The following RGS7BP variants were observed in gnomAD, a reference collection of about 807,000 sequenced individuals.
The protein encoded by RGS7BP is regulator of G protein signaling 7 binding protein, also known as regulator of G protein signaling 7-binding protein.
RGS7BP carries 9 observed loss-of-function variants against 31.3 expected under a neutral mutation model. That is an observed-to-expected ratio of 0.29 (90% CI 0.17 to 0.50). The LOEUF (loss-of-function observed/expected upper bound fraction) is 0.50. Among genes scored for constraint, RGS7BP ranks in the 20% least tolerant of loss-of-function variants. The pLI is 0.98. For missense variants in RGS7BP, 274 were observed against 322.0 expected (o/e 0.85, Z 1.14); for synonymous variants, 115 against 120.1 (o/e 0.96, Z 0.28).
intron 2 of RGS7BP, among the ~76,000 whole-genome samples, chr5:64,526,797 G>A (rs891051727): frequency 1.3e-5 from 2 of 152,074 alleles, no homozygotes; most frequent in Non-Finnish European, 2.9e-5. Flanking sequence ...CCACCAAGCA[G>A]GAGGGGCTCA....
intron 2 of RGS7BP, among the ~76,000 whole-genome samples, chr5:64,554,634 C>T (rs148362943): frequency 6.6e-6 from 1 of 152,184 alleles, no homozygotes; most frequent in African/African-American, 2.4e-5. Context: ...ATAAAGTCTG[C>T]TGAATATGAG....
intron 2 of RGS7BP, among the ~76,000 whole-genome samples, chr5:64,547,982 T>C (rs1273109980): frequency 2.0e-5 from 3 of 152,148 alleles, no homozygotes; most frequent in African/African-American, 7.2e-5. Context: ...TTTTGAATCA[T>C]GGTCTTTTCC....
intron 2 of RGS7BP, among the ~76,000 whole-genome samples, chr5:64,543,303 G>T (rs1277361921): frequency 2.0e-5 from 3 of 152,230 alleles, no homozygotes; most frequent in African/African-American, 7.2e-5. Context: ...AAGTAGACAA[G>T]ATTCTTTTAG....
chr5:64,566,552 G>C (rs770381506), intron 2 of RGS7BP, among the ~76,000 whole-genome samples: 15 of 152,066 alleles, frequency 9.9e-5, no homozygotes, highest in Non-Finnish European at 2.1e-4. Flanking sequence ...ATGCACAGCA[G>C]CTATACATGC....
chr5:64,507,827 AGGC>A lies in RGS7BP; in HGVS notation c.283_285del (p.Gly95del). The A allele has an allele frequency of 6.2e-7, 1 of 1,614,014 alleles. No homozygotes were observed. Among genetic ancestry groups the A allele is most frequent in the Non-Finnish European group, 8.5e-7 (1 of 1,179,958 alleles). On this transcript the variant is annotated inframe_deletion, in exon 2 of 6. Transcript: ENST00000334025. ...CGGAAATGCACAAGACAAGAACCAA[AGGC>A]TGTGAAATGGCCCGTCAGGCACACC...
chr5:64,541,261 GAACT>G (rs952488455), intron 2 of RGS7BP, among the ~76,000 whole-genome samples: 9 of 152,224 alleles, frequency 5.9e-5, no homozygotes, highest in South Asian at 2.1e-4. Flanking sequence ...GATCTCATGG[GAACT>G]AACTGAGGGA....
At chr5:64,589,650 C>G (rs1023158740) in intron 3 of RGS7BP, among the ~76,000 whole-genome samples, 4 of 151,892 alleles carry the variant, frequency 2.6e-5, no homozygotes. Flanking sequence ...AGTAACATGA[C>G]AGGCCATGCA....
At chr5:64,529,153 A>G (rs1749310878) in intron 2 of RGS7BP, among the ~76,000 whole-genome samples, 1 of 152,192 alleles carries the variant, frequency 6.6e-6, no homozygotes, top group Admixed American at 6.5e-5. Flanking sequence ...TGCCATTTTA[A>G]TACCAAAAAA....
chr5:64,543,154 T>C (rs1247021974), intron 2 of RGS7BP, among the ~76,000 whole-genome samples: 1 of 152,208 alleles, frequency 6.6e-6, no homozygotes, highest in Non-Finnish European at 1.5e-5. Context: ...ATAGGAGACT[T>C]ATGTTAGAAA....
intron 2 of RGS7BP, among the ~76,000 whole-genome samples, 184 bp downstream of exon 2, chr5:64,508,061 C>A (rs891887969): frequency 6.6e-6 from 1 of 152,142 alleles, no homozygotes; most frequent in East Asian, 1.9e-4. Context: ...CTGTGTCATT[C>A]TTGCATATAT....
chr5:64,560,485 C>T (rs1485484004), intron 2 of RGS7BP, among the ~76,000 whole-genome samples: 1 of 151,814 alleles, frequency 6.6e-6, no homozygotes, highest in Non-Finnish European at 1.5e-5. Flanking sequence ...TTATTACGTA[C>T]TCCTTTCCTA....
At chr5:64,595,884 G>A (rs1052136146) in intron 4 of RGS7BP, among the ~76,000 whole-genome samples, 8 of 152,092 alleles carry the variant, frequency 5.3e-5, no homozygotes, top group African/African-American at 1.9e-4. Flanking sequence ...TAGAAAATTG[G>A]AGCATGTGGT....
rs1748666453 is a variant in RGS7BP, at chr5:64,506,033, T to C, written c.-592T>C. On this transcript the variant is annotated 5_prime_UTR_variant, in exon 1 of 6. Coordinates refer to ENST00000334025, the MANE Select transcript of RGS7BP (RefSeq NM_001029875.3). This position sits in a 1 kb window ranked among gnomAD's most constrained non-coding sequence, Gnocchi z 4.6. ...GTCTGCCAGTCCCGCCACAGATTCA[T>C]CTGGGATCTTCAAACAGACAAGCCC... 1.3e-5 allele frequency among the ~76,000 whole-genome samples: 2 copies of C among 152,134 alleles called. No homozygotes were observed. The highest frequency in any genetic ancestry group is 1.9e-4 in the East Asian group (1 of 5,164).
chr5:64,604,234 C>T (rs769375011), intron 5 of RGS7BP, among the ~76,000 whole-genome samples: 2 of 152,120 alleles, frequency 1.3e-5, no homozygotes, highest in Non-Finnish European at 2.9e-5. Context: ...CACCAAATGT[C>T]CAAGTTCTCA....
In RGS7BP at chr5:64,611,953, C is replaced by T. The variant is rs1255586271; in HGVS notation, c.*2701C>T. 1 of 151,998 alleles carries T rather than the reference C, an allele frequency of 6.6e-6. No individual in the cohort carries two copies. Among genetic ancestry groups the T allele is most frequent in the Non-Finnish European group, 1.5e-5 (1 of 67,890 alleles). The allele number at this position is 151,998 out of a possible 1,614,324, so 9.4% of individuals were successfully genotyped here. On this transcript the variant is annotated 3_prime_UTR_variant, in exon 6 of 6. Coordinates refer to ENST00000334025, the MANE Select transcript of RGS7BP (RefSeq NM_001029875.3). ...AGATTAGCAATAACACTGAGCTGATCTCTAGGGTTAAGAAGAGAACATTGA... is the reference window on the plus strand; with the variant it reads ...AGATTAGCAATAACACTGAGCTGATTTCTAGGGTTAAGAAGAGAACATTGA...
At chr5:64,572,993 A>T in intron 2 of RGS7BP, among the ~76,000 whole-genome samples, 1 of 101,044 alleles carries the variant, frequency 9.9e-6, no homozygotes, top group East Asian at 3.1e-4. Flanking sequence ...AACAGTCCCC[A>T]GAGTGTGATG....
At chr5:64,542,680 T>C (rs59784491) in intron 2 of RGS7BP, among the ~76,000 whole-genome samples, 3,258 of 152,292 alleles carry the variant, frequency 0.021, 67 homozygotes, top group African/African-American at 0.053. Context: ...CCCTTTGTGT[T>C]CCATGTGGAC....
chr5:64,595,869 G>A (rs1341050899), intron 4 of RGS7BP, among the ~76,000 whole-genome samples: 1 of 152,108 alleles, frequency 6.6e-6, no homozygotes, highest in African/African-American at 2.4e-5. Flanking sequence ...GAATTTCTGT[G>A]TTTATAGAAA....
chr5:64,506,600 G>C lies in RGS7BP; in HGVS notation c.-25G>C, dbSNP rs1011106934. On this transcript the variant is annotated 5_prime_UTR_variant, in exon 1 of 6. Coordinates refer to ENST00000334025, the MANE Select transcript of RGS7BP (RefSeq NM_001029875.3). This position sits in a 1 kb window ranked among gnomAD's most constrained non-coding sequence, Gnocchi z 4.6. ...CGCGCCGGGGCGCACTGCACCAGCG[G>C]CTTCGGCTTGGTGGATGTGTATGCA... 2.3e-5 allele frequency: 36 copies of C among 1,568,498 alleles called. No homozygotes were observed. The highest frequency in any genetic ancestry group is 3.0e-5 in the Non-Finnish European group (34 of 1,147,704).
Sources: gnomAD v4.1 joint callset for allele counts (sites outside exome capture counted in the v4.1 genomes callset) on GRCh38, gnomAD v4.1.1 for gene constraint, Gnocchi (gnomAD v3.1) non-coding constraint, MANE v1.5 for transcripts, NCBI Gene and HGNC (gene_info 2026-07-23, HGNC 2026-07-21) for gene names.